Variants in SIM2 observed in about 807,000 individuals in gnomAD.
SIM2 encodes the protein single-minded homolog 2.
Under a neutral mutation model 64.8 loss-of-function variants are expected in SIM2, and 28 were observed. The observed-to-expected ratio is 0.43, with a 90% CI of 0.32 to 0.59. SIM2 has a LOEUF of 0.59. Among genes scored for constraint, SIM2 ranks in the 20% least tolerant of loss-of-function variants. The pLI is 0.07. For missense variants in SIM2, 847 were observed against 871.4 expected (o/e 0.97, Z 0.35); for synonymous variants, 408 against 391.1 (o/e 1.04, Z -0.51).
At chr21:36,719,234 G>A (rs561758960) in intron 3 of SIM2, among the ~76,000 whole-genome samples, 1 of 152,272 alleles carries the variant, frequency 6.6e-6, no homozygotes, top group Non-Finnish European at 1.5e-5. Flanking sequence ...TGCTGGTAAT[G>A]TGAGAGAGGC....
rs776352057 is a variant in SIM2, at chr21:36,745,179, C to T, written c.1576+43C>T. ...GTGGGGAAGGTGGGAGGACTGCGCA[C>T]GGCCGGGAGCCGAAGCAGCCATGGC... On this transcript the variant is annotated intron_variant, in intron 10 of 10. Coordinates refer to ENST00000290399, the MANE Select transcript of SIM2 (RefSeq NM_005069.6). The surrounding 1 kb of genome is among the most constrained non-coding windows in gnomAD (Gnocchi z 4.8). The T allele has an allele frequency of 3.6e-5, 56 of 1,569,134 alleles. No individual in the cohort carries two copies. Among genetic ancestry groups the T allele is most frequent in the Non-Finnish European group, 4.6e-5 (53 of 1,157,222 alleles).
intron 6 of SIM2, among the ~76,000 whole-genome samples, chr21:36,728,646 G>C (rs1224775863): frequency 6.6e-6 from 1 of 152,218 alleles, no homozygotes. Context: ...GGGCTGAAAG[G>C]GGTCAGAAGA....
Position 36,744,721 on chromosome 21 carries a change from C to T in SIM2, c.1168-7C>T, listed in dbSNP as rs971309469. On this transcript the variant is annotated splice_region_variant and splice_polypyrimidine_tract_variant and intron_variant, in intron 9 of 10. Transcript: ENST00000290399. Reference sequence around the variant, plus strand: ...CTGGCCCTTCATCCATCTTCTTTGCCATGCAGCAATACAGCTCGTTCCAAA... The same window carrying T: ...CTGGCCCTTCATCCATCTTCTTTGCTATGCAGCAATACAGCTCGTTCCAAA... 2 of 1,585,650 alleles carry T rather than the reference C, an allele frequency of 1.3e-6. No homozygotes were observed. Among genetic ancestry groups the T allele is most frequent in the Admixed American group, 1.8e-5 (1 of 55,876 alleles).
intron 1 of SIM2, among the ~76,000 whole-genome samples, chr21:36,701,902 T>G (rs2088504351): frequency 1.3e-5 from 2 of 152,256 alleles, no homozygotes; most frequent in Non-Finnish European, 2.9e-5. Context: ...ACTCACTGCC[T>G]TCTGCCCCCT....
chr21:36,718,372 G>A (rs548820600), intron 3 of SIM2, among the ~76,000 whole-genome samples: 28 of 152,150 alleles, frequency 1.8e-4, no homozygotes, highest in African/African-American at 5.8e-4. Context: ...AGGTGGCACC[G>A]TCAGGATGGC....
intron 2 of SIM2, 112 bp downstream of exon 2, chr21:36,709,362 TGCCG>T: frequency 1.1e-6 from 1 of 883,940 alleles, no homozygotes; most frequent in South Asian, 1.4e-5. Flanking sequence ...ATCCAGAGGC[TGCCG>T]GGGGCTGGGG....
chr21:36,738,279 G>A (rs1338563361), intron 7 of SIM2, among the ~76,000 whole-genome samples: 2 of 152,122 alleles, frequency 1.3e-5, no homozygotes, highest in African/African-American at 2.4e-5. Context: ...GGCCAAGGCA[G>A]GCAGATCATG....
At chr21:36,706,423 T>C (rs571427874) in intron 1 of SIM2, among the ~76,000 whole-genome samples, 1 of 152,052 alleles carries the variant, frequency 6.6e-6, no homozygotes, top group Admixed American at 6.5e-5. Context: ...ACAGGCTGGG[T>C]TGGGGACCCC....
At position 36,726,089 on chromosome 21, in the gene SIM2, A is replaced by G; in HGVS notation, c.544-30A>G. The G allele has an allele frequency of 6.3e-7, 1 of 1,595,630 alleles. No individual in the cohort carries two copies. Among genetic ancestry groups the G allele is most frequent in the Non-Finnish European group, 8.6e-7 (1 of 1,166,724 alleles). Reference sequence around the variant, plus strand: ...GGGCTCCAGCCCAACCCCAGTGGCCAGTGGCTGACCCTGCCCTCTCCACTC... The same window carrying G: ...GGGCTCCAGCCCAACCCCAGTGGCCGGTGGCTGACCCTGCCCTCTCCACTC... On this transcript the variant is annotated intron_variant, in intron 5 of 10. Coordinates refer to ENST00000290399, the MANE Select transcript of SIM2 (RefSeq NM_005069.6). This position sits in a 1 kb window ranked among gnomAD's most constrained non-coding sequence, Gnocchi z 4.5.
chr21:36,727,923 G>C lies in SIM2; in HGVS notation c.743+1605G>C, dbSNP rs76025723. On this transcript the variant is annotated intron_variant, in intron 6 of 10. Coordinates refer to ENST00000290399, the MANE Select transcript of SIM2 (RefSeq NM_005069.6). Reference sequence around the variant, plus strand: ...ACAGGAGTCAGTTTGGCTCCTTGTCGACACCCTTCAGGACCACTCAGAAGC... The same window carrying C: ...ACAGGAGTCAGTTTGGCTCCTTGTCCACACCCTTCAGGACCACTCAGAAGC... 3.5e-3 allele frequency among the ~76,000 whole-genome samples: 538 copies of C among 152,212 alleles called. 4 individuals are homozygous for C. The highest frequency in any genetic ancestry group is 0.012 in the African/African-American group (518 of 41,516).
rs1410148393 is a variant in SIM2 at position 36,747,329 on chromosome 21, C to T, written c.1577-336C>T. On this transcript the variant is annotated intron_variant, in intron 10 of 10. Transcript: ENST00000290399. This position sits in a 1 kb window ranked among gnomAD's most constrained non-coding sequence, Gnocchi z 4.5. ...CAGTGAGGCAGGTGTGACCTGCGCT[C>T]TGCATCTCAGGACCAAAAAAAAAAA... Among the ~76,000 whole-genome samples, 1 of 150,864 alleles carries T rather than the reference C, an allele frequency of 6.6e-6. No homozygotes were observed. Among genetic ancestry groups the T allele is most frequent in the Non-Finnish European group, 1.5e-5 (1 of 67,858 alleles).
chr21:36,748,119 T>A lies in SIM2; in HGVS notation c.*27T>A, dbSNP rs925441196. 28 of 1,177,660 alleles carry A rather than the reference T, an allele frequency of 2.4e-5. No homozygotes were observed. The African/African-American group carries it at 3.5e-4, about 15-fold the overall frequency. 73.0% of individuals were successfully genotyped at this position (1,177,660 alleles called of 1,614,324 possible). A position where few individuals can be genotyped will look rare whatever the true frequency, so the allele number is the denominator to read the frequency against. ...CCGCTGGCCGCCCGCGCCAGGAGCC[T>A]GGACCCGGCCTCCCGGGGCTGCGGC... On this transcript the variant is annotated 3_prime_UTR_variant, in exon 11 of 11. Coordinates refer to ENST00000290399, the MANE Select transcript of SIM2 (RefSeq NM_005069.6).
intron 1 of SIM2, among the ~76,000 whole-genome samples, chr21:36,701,059 C>T (rs1233242074): frequency 1.3e-5 from 2 of 152,234 alleles, no homozygotes; most frequent in African/African-American, 2.4e-5. Flanking sequence ...CCTCTGCTCC[C>T]AGCGGGGTCG....
chr21:36,700,583 G>T (rs559643651), intron 1 of SIM2, among the ~76,000 whole-genome samples: 1 of 149,266 alleles, frequency 6.7e-6, no homozygotes, highest in African/African-American at 2.5e-5. Flanking sequence ...CCCTCTTTTT[G>T]TCTCTTCTGG....
At chr21:36,703,539 T>C (rs914578977) in intron 1 of SIM2, among the ~76,000 whole-genome samples, 2 of 152,246 alleles carry the variant, frequency 1.3e-5, no homozygotes, top group Non-Finnish European at 2.9e-5. Context: ...ACTCACTGCC[T>C]GGACTTTGAA....
chr21:36,725,964 G>T (rs59115852), intron 5 of SIM2, among the ~76,000 whole-genome samples, 155 bp from the exon 6 acceptor site: 5 of 152,338 alleles, frequency 3.3e-5, no homozygotes, highest in East Asian at 3.9e-4. Flanking sequence ...CTTCTCCTAA[G>T]CAATGAACCG....
Position 36,744,737 on chromosome 21 carries a change from T to A in SIM2, c.1177T>A (p.Ser393Thr). Residue 393 changes from serine to threonine, a missense_variant, in exon 10 of 11, where the codon TCG becomes ACG. Around this residue, in one of 3 missense-constraint regions of SIM2, gnomAD observed 447 missense variants for 414.6 expected, o/e 1.08. Transcript: ENST00000290399. ...CTTCTTTGCCATGCAGCAATACAGCTCGTTCCAAATGGACAAACTGGAATG... is the reference window on the plus strand; with the variant it reads ...CTTCTTTGCCATGCAGCAATACAGCACGTTCCAAATGGACAAACTGGAATG... ...TNPYPPQQYS[S>T]FQMDKLECGQ... is the part of the protein sequence containing the mutation. 6.2e-7 allele frequency: 1 copy of A among 1,601,990 alleles called. No individual in the cohort carries two copies. Among genetic ancestry groups the A allele is most frequent in the Non-Finnish European group, 8.5e-7 (1 of 1,173,992 alleles).
intron 1 of SIM2, among the ~76,000 whole-genome samples, chr21:36,706,605 A>G (rs922219369): frequency 2.0e-5 from 3 of 152,216 alleles, no homozygotes; most frequent in African/African-American, 7.2e-5. Context: ...GTATCAAGAC[A>G]ATTTTCTTTC....
chr21:36,721,584 G>A (rs1397943990), intron 4 of SIM2, among the ~76,000 whole-genome samples: 1 of 152,038 alleles, frequency 6.6e-6, no homozygotes, highest in African/African-American at 2.4e-5. Context: ...GGGATTACAG[G>A]TGCCTGCCAC....
Sources: allele counts gnomAD v4.1 joint callset (sites outside exome capture counted in the v4.1 genomes callset), GRCh38; gene constraint gnomAD v4.1.1; regional missense constraint gnomAD v4.1.1; non-coding constraint Gnocchi (gnomAD v3.1); transcripts MANE v1.5; gene names NCBI Gene and HGNC (gene_info 2026-07-23, HGNC 2026-07-21).